The following MBP variants were observed in gnomAD, a reference collection of about 807,000 sequenced individuals.
The protein encoded by MBP is myelin basic protein.
Under a neutral mutation model 35.8 loss-of-function variants are expected in MBP, and 16 were observed. The ratio of observed to expected loss-of-function variants is 0.45; its 90% confidence interval spans 0.30 to 0.68. The LOEUF (loss-of-function observed/expected upper bound fraction) is 0.68. Ranked by LOEUF, MBP falls within the 30% of genes least tolerant of loss-of-function variation. The pLI is 0.08. For missense variants in MBP, 380 were observed against 404.7 expected, an observed-to-expected ratio of 0.94 and a Z score of 0.52; for synonymous variants, 143 against 159.6, an observed-to-expected ratio of 0.90 and a Z score of 0.78.
At chr18:77,025,235 C>A (rs1375085615) in intron 3 of MBP, among the ~76,000 whole-genome samples, 2 of 152,198 alleles carry the variant, frequency 1.3e-5, no homozygotes, top group Non-Finnish European at 2.9e-5. Flanking sequence ...GCTTTCACTG[C>A]AGCCAGGCTT....
intron 3 of MBP, among the ~76,000 whole-genome samples, chr18:77,049,223 G>A (rs1973383975): frequency 6.6e-6 from 1 of 152,186 alleles, no homozygotes; most frequent in Non-Finnish European, 1.5e-5. Flanking sequence ...CCGGCCGAGG[G>A]CAGGGTTTTT....
intron 4 of MBP, chr18:77,014,545 C>T (rs1971522654): frequency 1.3e-5 from 13 of 985,326 alleles, no homozygotes; most frequent in Admixed American, 6.1e-5. Context: ...AACAGGGGCT[C>T]TCCTGATTTG....
chr18:77,118,523 G>T (rs1976769782), intron 1 of MBP, among the ~76,000 whole-genome samples: 1 of 151,820 alleles, frequency 6.6e-6, no homozygotes, highest in Admixed American at 6.6e-5. Flanking sequence ...CCTGTGCTCG[G>T]CACCAGGGTT....
intron 4 of MBP, chr18:77,015,629 G>T (rs1465506003): frequency 1.0e-6 from 1 of 985,158 alleles, no homozygotes; most frequent in Non-Finnish European, 1.2e-6. Context: ...AACTCAGACA[G>T]ATGGTAGAGA....
At chr18:76,995,889 A>G (rs1284024364) in intron 4 of MBP, among the ~76,000 whole-genome samples, 2 of 152,208 alleles carry the variant, frequency 1.3e-5, no homozygotes, top group African/African-American at 4.8e-5. Context: ...CCATCAAGAG[A>G]AGAAAAAGAC....
chr18:77,016,677 C>T, intron 4 of MBP, 155 bp downstream of exon 4: 2 of 1,435,664 alleles, frequency 1.4e-6, no homozygotes, highest in East Asian at 2.5e-5. Flanking sequence ...CTCAGGCCCA[C>T]ACTCTTGGGC....
intron 4 of MBP, chr18:77,015,216 A>G (rs1971556737): frequency 1.0e-6 from 1 of 985,270 alleles, no homozygotes. Context: ...AGCTTATTTT[A>G]TAATACATAT....
intron 4 of MBP, chr18:77,013,461 T>G (rs1277676120): frequency 2.0e-6 from 2 of 985,290 alleles, no homozygotes; most frequent in African/African-American, 3.5e-5. Context: ...ATTAGGTTAC[T>G]GTAGAACTAA....
intron 3 of MBP, among the ~76,000 whole-genome samples, chr18:77,027,022 T>G (rs1441764144): frequency 6.6e-6 from 1 of 152,216 alleles, no homozygotes; most frequent in Non-Finnish European, 1.5e-5. Context: ...AGGCTTAGCC[T>G]GCCGTGAGTC....
chr18:77,101,123 C>A lies in MBP; in HGVS notation c.51+4088G>T, dbSNP rs1975990424. ...GCCAAGTGTCTTACGTCCTAAGGAC[C>A]AAGGACTGCCAGGCAGGCAAAGACT... On this transcript the variant is annotated intron_variant, in intron 2 of 8. Coordinates refer to ENST00000355994, the MANE Select transcript of MBP (RefSeq NM_001025101.2). The surrounding 1 kb of genome is among the most constrained non-coding windows in gnomAD (Gnocchi z 4.3). 1.3e-5 allele frequency among the ~76,000 whole-genome samples: 2 copies of A among 152,234 alleles called. No individual in the cohort carries two copies. The highest frequency in any genetic ancestry group is 1.5e-5 in the Non-Finnish European group (1 of 68,046).
At chr18:77,121,266 C>T (rs1390912491) in intron 1 of MBP, among the ~76,000 whole-genome samples, 3 of 151,328 alleles carry the variant, frequency 2.0e-5, no homozygotes, top group Admixed American at 6.6e-5. Context: ...GCTGTGATCA[C>T]ACCACTGCAC....
chr18:77,094,652 C>A (rs1975683573), intron 2 of MBP, among the ~76,000 whole-genome samples: 1 of 152,182 alleles, frequency 6.6e-6, no homozygotes, highest in Admixed American at 6.5e-5. Flanking sequence ...TACCTCTGAA[C>A]TCAAAATTAA....
At chr18:77,014,047 G>A (rs1042663194) in intron 4 of MBP, 6 of 985,296 alleles carry the variant, frequency 6.1e-6, no homozygotes, top group Admixed American at 6.2e-5. Context: ...CTGACATTCC[G>A]GGGAACTGGG....
intron 3 of MBP, among the ~76,000 whole-genome samples, chr18:77,043,484 A>G (rs1215428592): frequency 6.6e-6 from 1 of 152,156 alleles, no homozygotes; most frequent in Non-Finnish European, 1.5e-5. Context: ...GCATCTGAAA[A>G]TGTAAATAAG....
intron 3 of MBP, among the ~76,000 whole-genome samples, chr18:77,023,947 G>T (rs1313603324): frequency 6.6e-6 from 1 of 152,200 alleles, no homozygotes; most frequent in Non-Finnish European, 1.5e-5. Context: ...ATGGTGTGGG[G>T]CCTCCACAGA....
At chr18:77,113,898 C>T (rs1976561157) in intron 1 of MBP, 1 of 152,246 alleles carries the variant, frequency 6.6e-6, no homozygotes, top group African/African-American at 2.4e-5. Context: ...TGTCAAAACT[C>T]ATCTGAGGCA....
rs1568355935 is a variant in MBP at position 77,132,753 on chromosome 18, T to C, written c.-199A>G. On this transcript the variant is annotated 5_prime_UTR_variant, in exon 1 of 9. Transcript: ENST00000355994. ...GACAGGGGCCGCCGGGGCCGGAGGC[T>C]GCTTCTCTCTGGCGCGCGGCGGCGG... The C allele has an allele frequency of 6.6e-6, 1 of 151,824 alleles. No homozygotes were observed. Among genetic ancestry groups the C allele is most frequent in the Non-Finnish European group, 1.5e-5 (1 of 68,030 alleles). 9.4% of individuals were successfully genotyped at this position (151,824 alleles called of 1,614,324 possible).
chr18:77,073,259 C>T (rs1207614262), intron 2 of MBP, among the ~76,000 whole-genome samples: 2 of 152,104 alleles, frequency 1.3e-5, no homozygotes, highest in Non-Finnish European at 2.9e-5. Flanking sequence ...AAAGGAATTT[C>T]AGCATCATCT....
At chr18:77,082,480 T>C (rs375912962) in intron 2 of MBP, among the ~76,000 whole-genome samples, 59 of 152,344 alleles carry the variant, frequency 3.9e-4, no homozygotes, top group African/African-American at 1.4e-3. Context: ...GGGCAGTGGC[T>C]GCTCATAGGT....
Sources: allele counts gnomAD v4.1 joint callset (sites outside exome capture counted in the v4.1 genomes callset), GRCh38; gene constraint gnomAD v4.1.1; non-coding constraint Gnocchi (gnomAD v3.1); transcripts MANE v1.5; gene names NCBI Gene and HGNC (gene_info 2026-07-23, HGNC 2026-07-21).